HEATR4: variants seen among roughly 807,000 people sequenced by gnomAD.
HEATR4 encodes the protein HEAT repeat containing 4.
In HEATR4, 95 loss-of-function variants were observed where a neutral mutation model predicts 108.8. The observed-to-expected ratio is 0.87, with a 90% CI of 0.74 to 1.04. The LOEUF (loss-of-function observed/expected upper bound fraction) is 1.04. HEATR4 is among the 50% of genes least tolerant of loss of function. HEATR4 has a pLI of 0.00. For missense variants in HEATR4, 1,152 were observed against 1,253.8 expected, an observed-to-expected ratio of 0.92 and a Z score of 1.23; for synonymous variants, 443 against 459.4, an observed-to-expected ratio of 0.96 and a Z score of 0.46.
rs780386713 is a variant in HEATR4, at chr14:73,492,639, A to C, written c.2844+427T>G. On this transcript the variant is annotated intron_variant, in intron 17 of 17. Coordinates refer to ENST00000553558, the MANE Select transcript of HEATR4 (RefSeq NM_001220484.1). The surrounding 1 kb of genome is among the most constrained non-coding windows in gnomAD (Gnocchi z 4.9). ...GGAGAACCTGTAAACGTGGGGGCCCAGTTGACAACAGAAACAGAAGTCCAT... is the reference window on the plus strand; with the variant it reads ...GGAGAACCTGTAAACGTGGGGGCCCCGTTGACAACAGAAACAGAAGTCCAT... 6.2e-7 allele frequency: 1 copy of C among 1,613,876 alleles called. No individual in the cohort carries two copies. The highest frequency in any genetic ancestry group is 1.3e-5 in the African/African-American group (1 of 74,934).
the HEATR4 span, chr14:73,633,651 C>T: frequency 6.6e-6 from 1 of 152,196 alleles, no homozygotes; most frequent in East Asian, 1.9e-4. Flanking sequence ...GGCCAGAGGC[C>T]GGCACTTACC....
At chr14:73,556,348 C>T (rs1889394633) in intron 1 of HEATR4, among the ~76,000 whole-genome samples, 1 of 111,328 alleles carries the variant, frequency 9.0e-6, no homozygotes, top group Non-Finnish European at 2.0e-5. Context: ...TCGCTTGAAC[C>T]CAGGAGGCGG....
the HEATR4 span, among the ~76,000 whole-genome samples, chr14:73,625,486 C>T: frequency 7.9e-3 from 1,203 of 152,250 alleles, 16 homozygotes; most frequent in African/African-American, 0.028. Context: ...CTCAGCCTCC[C>T]AAGTAGCTGG....
Position 73,532,183 on chromosome 14 carries a change from G to T in HEATR4, c.-151-1939C>A, listed in dbSNP as rs1337625640. On this transcript the variant is annotated intron_variant, in intron 1 of 17. Coordinates refer to ENST00000553558, the MANE Select transcript of HEATR4 (RefSeq NM_001220484.1). ...AGATTACCAGGCTGATAAAACAGAT[G>T]GTAAAGTAGAAGCTGTCCGTTGACT... Among the ~76,000 whole-genome samples, 10 of 115,342 alleles carry T rather than the reference G, an allele frequency of 8.7e-5. 5 individuals are homozygous for T. The highest frequency in any genetic ancestry group is 1.9e-4 in the Non-Finnish European group (10 of 52,900). 75.7% of individuals were successfully genotyped at this position (115,342 alleles called of 152,430 possible). A position where few individuals can be genotyped will look rare whatever the true frequency, so the allele number is the denominator to read the frequency against.
the HEATR4 span, among the ~76,000 whole-genome samples, chr14:73,604,474 G>GT: frequency 2.0e-5 from 3 of 151,144 alleles, no homozygotes; most frequent in East Asian, 3.9e-4. Flanking sequence ...CCAGTTTCTT[G>GT]TTTTTTTGTT....
At chr14:73,551,317 G>A (rs1268630745) in intron 1 of HEATR4, among the ~76,000 whole-genome samples, 1 of 114,972 alleles carries the variant, frequency 8.7e-6, no homozygotes, top group African/African-American at 2.8e-5. Context: ...GAAGGAGAGG[G>A]CTTTTCTCCC....
chr14:73,507,540 C>T (rs1595108215), intron 9 of HEATR4, among the ~76,000 whole-genome samples: 1 of 150,476 alleles, frequency 6.6e-6, no homozygotes, highest in Non-Finnish European at 1.5e-5. Flanking sequence ...CTCAAGTGAT[C>T]CTCCCACCTC....
chr14:73,518,063 G>A (rs1887736163), intron 5 of HEATR4, among the ~76,000 whole-genome samples: 1 of 152,122 alleles, frequency 6.6e-6, no homozygotes, highest in East Asian at 1.9e-4. Flanking sequence ...TCCAGCCTGG[G>A]CGACAGAGCG....
the HEATR4 span, among the ~76,000 whole-genome samples, chr14:73,570,587 G>A: frequency 6.6e-6 from 1 of 151,398 alleles, no homozygotes; most frequent in South Asian, 2.1e-4. Context: ...GACATTGTAA[G>A]GAAAGGAAAA....
the HEATR4 span, among the ~76,000 whole-genome samples, chr14:73,568,325 T>C: frequency 0.012 from 1,777 of 150,858 alleles, 36 homozygotes; most frequent in African/African-American, 0.041. Flanking sequence ...GTACAAGGGC[T>C]TGGCAGGGGC....
intron 1 of HEATR4, chr14:73,543,172 T>G: frequency 1.9e-6 from 3 of 1,605,382 alleles, no homozygotes; most frequent in South Asian, 2.2e-5. Flanking sequence ...TGGCCAATGT[T>G]GGGGGAACCT....
At position 73,542,238 on chromosome 14, in the gene HEATR4, T is replaced by C. The variant is rs1889111104; in HGVS notation, c.-151-11994A>G. On this transcript the variant is annotated intron_variant, in intron 1 of 17. Transcript: ENST00000553558. ...GTCTCAAACTCCTGACCTCAAGTGA[T>C]CTGCCCACCTCGGCCTCCCAGAGTG... Among the ~76,000 whole-genome samples, 2 of 108,574 alleles carry C rather than the reference T, an allele frequency of 1.8e-5. 1 individual carries two copies. 71.2% of individuals were successfully genotyped at this position (108,574 alleles called of 152,430 possible).
At chr14:73,607,180 C>T in the HEATR4 span, among the ~76,000 whole-genome samples, 2 of 152,094 alleles carry the variant, frequency 1.3e-5, no homozygotes, top group Admixed American at 6.6e-5. Context: ...TGTCATGGCA[C>T]GTGCCTATGA....
At chr14:73,620,037 G>A in the HEATR4 span, 3 of 545,138 alleles carry the variant, frequency 5.5e-6, no homozygotes, top group Non-Finnish European at 6.2e-6. Flanking sequence ...TCAGACTCCC[G>A]AGTATCTGGG....
At chr14:73,589,875 G>A in the HEATR4 span, among the ~76,000 whole-genome samples, 1 of 152,226 alleles carries the variant, frequency 6.6e-6, no homozygotes, top group East Asian at 1.9e-4. Flanking sequence ...GCTCAGAAGT[G>A]AAGCTGCAAA....
the HEATR4 span, among the ~76,000 whole-genome samples, chr14:73,583,529 G>C: frequency 1.1e-4 from 15 of 133,148 alleles, no homozygotes; most frequent in Non-Finnish European, 2.0e-4. Context: ...TCACTCACTA[G>C]GAATGTCAGG....
intron 1 of HEATR4, chr14:73,541,753 C>G (rs1238210380): frequency 8.7e-7 from 1 of 1,149,726 alleles, no homozygotes; most frequent in African/African-American, 1.6e-5. Flanking sequence ...CTTAAATGGT[C>G]TGGGTTTTCA....
chr14:73,619,057 G>C, the HEATR4 span, among the ~76,000 whole-genome samples: 1 of 152,126 alleles, frequency 6.6e-6, no homozygotes, highest in African/African-American at 2.4e-5. Flanking sequence ...TTGAACCCGG[G>C]AGGTGGAGGT....
rs1305932230 is a variant in HEATR4, at chr14:73,538,481, C to T, written c.-151-8237G>A. On this transcript the variant is annotated intron_variant, in intron 1 of 17. Coordinates refer to ENST00000553558, the MANE Select transcript of HEATR4 (RefSeq NM_001220484.1). ...ACAAAAAATTAGCCGGGCGTGGTAGCGGGCGCCTGTCGTCCCAGCTACTCG... is the reference window on the plus strand; with the variant it reads ...ACAAAAAATTAGCCGGGCGTGGTAGTGGGCGCCTGTCGTCCCAGCTACTCG... Among the ~76,000 whole-genome samples, 2 of 111,756 alleles carry T rather than the reference C, an allele frequency of 1.8e-5. 1 individual carries two copies. Among genetic ancestry groups the T allele is most frequent in the Non-Finnish European group, 3.9e-5 (2 of 51,828 alleles). The allele number at this position is 111,756 out of a possible 152,430, so 73.3% of individuals were successfully genotyped here.
Sources: gnomAD v4.1 joint callset for allele counts (sites outside exome capture counted in the v4.1 genomes callset) on GRCh38, gnomAD v4.1.1 for gene constraint, Gnocchi (gnomAD v3.1) non-coding constraint, MANE v1.5 for transcripts, NCBI Gene and HGNC (gene_info 2026-07-23, HGNC 2026-07-21) for gene names.